The following GABRB1 variants were observed in gnomAD, a reference collection of about 807,000 sequenced individuals.
GABRB1 encodes the protein gamma-aminobutyric acid receptor subunit beta-1.
In GABRB1, 17 loss-of-function variants were observed where a neutral mutation model predicts 51.6. The observed-to-expected ratio is 0.33, with a 90% CI of 0.23 to 0.49. The LOEUF (loss-of-function observed/expected upper bound fraction) is 0.49, where lower values mean the gene tolerates loss of function less well. Ranked by LOEUF, GABRB1 falls within the 20% of genes least tolerant of loss-of-function variation. GABRB1 has a pLI of 0.99. For missense variants in GABRB1, 410 were observed against 600.6 expected (o/e 0.68, Z 3.32); for synonymous variants, 247 against 218.9 (o/e 1.13, Z -1.14).
At chr4:47,146,427 G>A (rs528325402) in intron 3 of GABRB1, among the ~76,000 whole-genome samples, 1 of 152,026 alleles carries the variant, frequency 6.6e-6, no homozygotes, top group Admixed American at 6.6e-5. Flanking sequence ...AAGTATACGA[G>A]GAAATTGATA....
intron 4 of GABRB1, among the ~76,000 whole-genome samples, chr4:47,234,545 A>G (rs1401658741): frequency 6.6e-6 from 1 of 152,032 alleles, no homozygotes; most frequent in Non-Finnish European, 1.5e-5. Flanking sequence ...TAAATGCTGT[A>G]TTCCTTTACC....
chr4:47,088,929 G>A lies in GABRB1; in HGVS notation c.240+56445G>A, dbSNP rs374809310. 2.2e-4 allele frequency among the ~76,000 whole-genome samples: 33 copies of A among 152,214 alleles called. 1 individual carries two copies. Among genetic ancestry groups the A allele is most frequent in the African/African-American group, 7.5e-4 (31 of 41,546 alleles). ...TGATTATCATTGCTAACCTTTCCTG[G>A]ACCTATTTTGACTTCTTTGTCTTGT... On this transcript the variant is annotated intron_variant, in intron 3 of 8. Coordinates refer to ENST00000295454, the MANE Select transcript of GABRB1 (RefSeq NM_000812.4).
intron 4 of GABRB1, among the ~76,000 whole-genome samples, chr4:47,179,859 C>CT (rs1337589140): frequency 6.6e-6 from 1 of 152,052 alleles, no homozygotes; most frequent in African/African-American, 2.4e-5. Flanking sequence ...TTTCTTAACT[C>CT]TATTAGTGAA....
intron 5 of GABRB1, among the ~76,000 whole-genome samples, chr4:47,385,189 T>C (rs1298123482): frequency 1.3e-5 from 2 of 152,200 alleles, no homozygotes; most frequent in African/African-American, 4.8e-5. Flanking sequence ...CTGAGACTAG[T>C]TGAACAGCAA....
intron 4 of GABRB1, among the ~76,000 whole-genome samples, chr4:47,184,883 C>A (rs1466060609): frequency 1.3e-5 from 2 of 151,786 alleles, no homozygotes; most frequent in Non-Finnish European, 2.9e-5. Flanking sequence ...AATATTATAT[C>A]TTTTAGGCAG....
chr4:47,382,433 T>C (rs1727627821), intron 5 of GABRB1, among the ~76,000 whole-genome samples: 1 of 152,202 alleles, frequency 6.6e-6, no homozygotes, highest in Non-Finnish European at 1.5e-5. Flanking sequence ...ATGTGATGCC[T>C]ATGTACTTGG....
At chr4:47,303,980 A>G (rs1304787359) in intron 4 of GABRB1, among the ~76,000 whole-genome samples, 1 of 152,082 alleles carries the variant, frequency 6.6e-6, no homozygotes, top group African/African-American at 2.4e-5. Flanking sequence ...ATGCTATTGT[A>G]AATGACAAGA....
At chr4:47,213,121 C>A (rs1395995529) in intron 4 of GABRB1, among the ~76,000 whole-genome samples, 2 of 152,290 alleles carry the variant, frequency 1.3e-5, no homozygotes, top group East Asian at 1.9e-4. Flanking sequence ...TAGAAACCCA[C>A]CCCCATGGTC....
chr4:47,331,750 C>T (rs1226662338), intron 5 of GABRB1, among the ~76,000 whole-genome samples: 1 of 152,118 alleles, frequency 6.6e-6, no homozygotes, highest in African/African-American at 2.4e-5. Context: ...TTGATAATAA[C>T]AATATCTAAT....
At chr4:47,190,264 C>A (rs762093125) in intron 4 of GABRB1, among the ~76,000 whole-genome samples, 1 of 151,990 alleles carries the variant, frequency 6.6e-6, no homozygotes, top group Non-Finnish European at 1.5e-5. Flanking sequence ...GATGTGTATC[C>A]CAGCAGGTTA....
At chr4:47,020,488 T>A (rs1253387964) in intron 1 of GABRB1, among the ~76,000 whole-genome samples, 2 of 152,162 alleles carry the variant, frequency 1.3e-5, no homozygotes, top group African/African-American at 4.8e-5. Flanking sequence ...ATGTTTGAAA[T>A]TGATTTACAA....
At chr4:47,246,997 C>A (rs1402040625) in intron 4 of GABRB1, among the ~76,000 whole-genome samples, 1 of 151,990 alleles carries the variant, frequency 6.6e-6, no homozygotes, top group African/African-American at 2.4e-5. Flanking sequence ...GCTGACTATT[C>A]TATTTGCTGA....
chr4:47,360,955 C>T (rs576539376), intron 5 of GABRB1, among the ~76,000 whole-genome samples: 3 of 152,144 alleles, frequency 2.0e-5, no homozygotes, highest in Admixed American at 1.3e-4. Flanking sequence ...TCACAACAAC[C>T]CAATGAGAAT....
chr4:47,326,717 A>G (rs961370776), intron 5 of GABRB1, among the ~76,000 whole-genome samples: 8 of 152,168 alleles, frequency 5.3e-5, no homozygotes, highest in Non-Finnish European at 1.0e-4. Context: ...TGAACCAGAA[A>G]GTGAGCCCTC....
At chr4:47,058,596 C>T (rs954133172) in intron 3 of GABRB1, among the ~76,000 whole-genome samples, 6 of 152,086 alleles carry the variant, frequency 3.9e-5, no homozygotes, top group Admixed American at 1.3e-4. Context: ...ATGTTTAAAC[C>T]GTGCCCCCTT....
chr4:47,065,184 T>A (rs923321682), intron 3 of GABRB1, among the ~76,000 whole-genome samples: 27 of 152,212 alleles, frequency 1.8e-4, no homozygotes, highest in Non-Finnish European at 2.4e-4. Context: ...TGGCAGTAGA[T>A]GTTGGAAAGA....
At chr4:47,132,902 T>C (rs1180068999) in intron 3 of GABRB1, among the ~76,000 whole-genome samples, 1 of 152,156 alleles carries the variant, frequency 6.6e-6, no homozygotes, top group Non-Finnish European at 1.5e-5. Context: ...TACTTCCCTT[T>C]AATATCTTCA....
intron 3 of GABRB1, among the ~76,000 whole-genome samples, chr4:47,108,621 C>T (rs1715084028): frequency 2.0e-5 from 3 of 152,004 alleles, no homozygotes; most frequent in African/African-American, 7.2e-5. Flanking sequence ...TTCAGCCATA[C>T]TATCATATTA....
chr4:47,375,794 G>A (rs774298917), intron 5 of GABRB1, among the ~76,000 whole-genome samples: 4 of 152,162 alleles, frequency 2.6e-5, no homozygotes, highest in Non-Finnish European at 5.9e-5. Flanking sequence ...TGTCTAGGAA[G>A]GGGAGGAAAA....
Sources: gnomAD v4.1 joint callset for allele counts (sites outside exome capture counted in the v4.1 genomes callset) on GRCh38, gnomAD v4.1.1 for gene constraint, MANE v1.5 for transcripts, NCBI Gene and HGNC (gene_info 2026-07-23, HGNC 2026-07-21) for gene names.